The following NOX4 variants were observed in gnomAD, a reference collection of about 807,000 sequenced individuals.
The protein encoded by NOX4 is kidney oxidase-1.
In NOX4, 69 loss-of-function variants were observed where a neutral mutation model predicts 87.6. That is an observed-to-expected ratio of 0.79 (90% confidence interval 0.65 to 0.96). NOX4 has a LOEUF of 0.96. NOX4 is among the 40% of genes least tolerant of loss of function. The probability of loss-of-function intolerance (pLI) is 0.00; values close to 1 mark genes in which losing one functional copy is unlikely to be tolerated. For synonymous variants in NOX4, 275 were observed against 238.2 expected (o/e 1.15, Z -1.42); for missense variants, 680 against 681.5 (o/e 1.00, Z 0.02).
chr11:89,491,344 G>T lies in NOX4; in HGVS notation c.-98C>A. 1.8e-6 allele frequency: 2 copies of T among 1,122,146 alleles called. No individual in the cohort carries two copies. Among genetic ancestry groups the T allele is most frequent in the South Asian group, 1.6e-5 (1 of 63,694 alleles). The allele number at this position is 1,122,146 out of a possible 1,614,324, so 69.5% of individuals were successfully genotyped here. A position where few individuals can be genotyped will look rare whatever the true frequency, so the allele number is the denominator to read the frequency against. On this transcript the variant is annotated 5_prime_UTR_variant, in exon 1 of 18. Transcript: ENST00000263317. ...TTACAGTTGTGCGGCCTGCCGGGCC[G>T]CTGAGCGAGGACCGAGGGTCAAAGA...
chr11:89,340,302 A>C, intron 14 of NOX4, 131 bp from the exon 15 acceptor site: 2 of 617,836 alleles, frequency 3.2e-6, no homozygotes, highest in Non-Finnish European at 5.6e-6. Flanking sequence ...CCAACAGAAA[A>C]ATCAGTCATT....
intron 8 of NOX4, among the ~76,000 whole-genome samples, chr11:89,419,987 G>C (rs1943000902): frequency 6.6e-6 from 1 of 151,838 alleles, no homozygotes; most frequent in South Asian, 2.1e-4. Flanking sequence ...TAGATGAATA[G>C]ACAGATCACA....
At chr11:89,331,913 T>C (rs908097178) in intron 17 of NOX4, among the ~76,000 whole-genome samples, 17 of 151,750 alleles carry the variant, frequency 1.1e-4, no homozygotes, top group African/African-American at 4.1e-4. Context: ...TCTTACTTTT[T>C]TTTTTTTCTT....
At chr11:89,575,285 T>G in the NOX4 span, among the ~76,000 whole-genome samples, 1 of 152,072 alleles carries the variant, frequency 6.6e-6, no homozygotes, top group Admixed American at 6.6e-5. Context: ...GTGTTTAATT[T>G]TACACTGATA....
intron 8 of NOX4, among the ~76,000 whole-genome samples, chr11:89,412,292 C>T (rs1942521707): frequency 6.6e-6 from 1 of 152,134 alleles, no homozygotes; most frequent in South Asian, 2.1e-4. Flanking sequence ...AAACATCAGA[C>T]TTAATCTGCA....
chr11:89,335,430 TG>T (rs1945661737), intron 17 of NOX4, among the ~76,000 whole-genome samples: 1 of 151,826 alleles, frequency 6.6e-6, no homozygotes, highest in South Asian at 2.1e-4. Context: ...ACATTCATTC[TG>T]GTAAAAAAAG....
chr11:89,559,322 A>G, the NOX4 span, among the ~76,000 whole-genome samples: 2 of 152,134 alleles, frequency 1.3e-5, no homozygotes, highest in South Asian at 4.1e-4. Flanking sequence ...TCTATTTTAA[A>G]TGGATGCTAT....
intron 12 of NOX4, among the ~76,000 whole-genome samples, chr11:89,357,965 A>C (rs1382020737): frequency 6.6e-6 from 1 of 152,154 alleles, no homozygotes; most frequent in African/African-American, 2.4e-5. Context: ...AGCAAAAAAG[A>C]CATCACTTAT....
At chr11:89,476,853 T>A (rs1016668434) in intron 2 of NOX4, among the ~76,000 whole-genome samples, 1 of 152,062 alleles carries the variant, frequency 6.6e-6, no homozygotes, top group Non-Finnish European at 1.5e-5. Context: ...TAATAACAGA[T>A]GAGAAAAATT....
At chr11:89,330,825 A>G (rs1170722191) in intron 17 of NOX4, among the ~76,000 whole-genome samples, 1 of 152,054 alleles carries the variant, frequency 6.6e-6, no homozygotes, top group Non-Finnish European at 1.5e-5. Context: ...TGATTTAAAC[A>G]CTGAAAATAA....
At position 89,342,141 on chromosome 11, in the gene NOX4, C is replaced by A; in HGVS notation, c.1270G>T (p.Glu424Ter). The change falls in exon 14 of 18, where the codon GAG becomes TAG. Residue 424 changes from glutamate (E) to a stop codon, truncating the protein, a stop_gained. Transcript: ENST00000263317. LOFTEE classifies it high-confidence loss of function. The part of the protein sequence containing the change: ...GSPFEESLNY[E>*]VSLCVAGGIG... ...CCTCCAGCCACGCAGAGGCTGACCT[C>A]ATAGTTCAGTGATTCCTCAAATGGA... The A allele has an allele frequency of 6.2e-7, 1 of 1,612,674 alleles. No individual in the cohort carries two copies. Among genetic ancestry groups the A allele is most frequent in the Non-Finnish European group, 8.5e-7 (1 of 1,178,818 alleles).
At chr11:89,326,911 G>A (rs1257581966) in intron 17 of NOX4, 35 bp from the exon 18 acceptor site, 12 of 1,609,262 alleles carry the variant, frequency 7.5e-6, no homozygotes, top group East Asian at 4.5e-5. Flanking sequence ...AAAATCAGGT[G>A]TAAAATTAGG....
chr11:89,379,030 G>A (rs1374299728), intron 11 of NOX4, among the ~76,000 whole-genome samples: 2 of 152,160 alleles, frequency 1.3e-5, no homozygotes, highest in East Asian at 1.9e-4. Flanking sequence ...GAATATGCAA[G>A]TGGAATTTTT....
At chr11:89,527,315 A>T in the NOX4 span, among the ~76,000 whole-genome samples, 2 of 152,222 alleles carry the variant, frequency 1.3e-5, no homozygotes, top group Non-Finnish European at 2.9e-5. Flanking sequence ...AGTTCAGAAA[A>T]TTTGCCACCT....
rs1945171236 is a variant in NOX4 at position 89,325,115 on chromosome 11, C to CTTCTTTTTTTTT, written c.*1640_*1641insAAAAAAAAAGAA. 1 of 76,332 alleles carries CTTCTTTTTTTTT rather than the reference C, an allele frequency of 1.3e-5. No homozygotes were observed. The highest frequency in any genetic ancestry group is 1.5e-4 in the Admixed American group (1 of 6,496). The allele number at this position is 76,332 out of a possible 1,614,324, so 4.7% of individuals were successfully genotyped here. ...ACTAAACTGTATGAATGCTTTAATT[C>CTTCTTTTTTTTT]TTTTTTTTTTTTTTTTTTTTTTTTT... On this transcript the variant is annotated 3_prime_UTR_variant, in exon 18 of 18. Coordinates refer to ENST00000263317, the MANE Select transcript of NOX4 (RefSeq NM_016931.5).
At chr11:89,422,701 A>G (rs1362895432) in intron 7 of NOX4, among the ~76,000 whole-genome samples, 1 of 152,160 alleles carries the variant, frequency 6.6e-6, no homozygotes, top group East Asian at 1.9e-4. Context: ...CCCTTACTTA[A>G]GCAGCAAGCA....
In NOX4 at chr11:89,373,207, G is replaced by A. The variant is rs1939576491; in HGVS notation, c.1135+225C>T. On this transcript the variant is annotated intron_variant, in intron 12 of 17. Transcript: ENST00000263317. ...GAACAATATATTATTAATAATTACT[G>A]ATATCAAAGGTATTCTGATTGCAAA... Among the ~76,000 whole-genome samples, 3 of 132,566 alleles carry A rather than the reference G, an allele frequency of 2.3e-5. No individual in the cohort carries two copies. In the South Asian group the frequency reaches 7.6e-4, roughly 34 times the overall value. 87.0% of individuals were successfully genotyped at this position (132,566 alleles called of 152,430 possible).
At chr11:89,389,697 AAAAG>A (rs1207513694) in intron 11 of NOX4, among the ~76,000 whole-genome samples, 99 of 152,276 alleles carry the variant, frequency 6.5e-4, no homozygotes, top group African/African-American at 2.1e-3. Context: ...ATAGATGTCC[AAAAG>A]TAAGAGCAGT....
chr11:89,428,860 C>A (rs1045763327), intron 7 of NOX4, among the ~76,000 whole-genome samples: 2 of 152,102 alleles, frequency 1.3e-5, no homozygotes, highest in African/African-American at 4.8e-5. Context: ...CTGCACCAAG[C>A]GGACCTAATA....
Sources: allele counts gnomAD v4.1 joint callset (sites outside exome capture counted in the v4.1 genomes callset), GRCh38; gene constraint gnomAD v4.1.1; transcripts MANE v1.5; gene names NCBI Gene and HGNC (gene_info 2026-07-23, HGNC 2026-07-21).